BTNL8: variants seen among roughly 807,000 people sequenced by gnomAD.
BTNL8 encodes the protein butyrophilin-like protein 8.
Under a neutral mutation model 36.1 loss-of-function variants are expected in BTNL8, and 22 were observed. The observed-to-expected ratio is 0.61, with a 90% CI of 0.44 to 0.87. The LOEUF (loss-of-function observed/expected upper bound fraction) is 0.87, where lower values mean the gene tolerates loss of function less well. Among genes scored for constraint, BTNL8 ranks in the 40% least tolerant of loss-of-function variants. BTNL8 has a pLI of 0.00. For synonymous variants in BTNL8, 203 were observed against 235.6 expected (o/e 0.86, Z 1.27); for missense variants, 526 against 616.9 (o/e 0.85, Z 1.56).
At position 180,949,791 on chromosome 5, in the gene BTNL8, G is replaced by A; in HGVS notation, c.863-113G>A. The A allele has an allele frequency of 3.1e-6, 4 of 1,301,144 alleles. 1 individual carries two copies. Among genetic ancestry groups the A allele is most frequent in the Non-Finnish European group, 4.2e-6 (4 of 945,070 alleles). 80.6% of individuals were successfully genotyped at this position (1,301,144 alleles called of 1,614,324 possible). ...GTGTCTGCGGGAGGCTCAGGTCCGG[G>A]GCCTCACCTATGCCACCCAGAGCCA... On this transcript the variant is annotated intron_variant, in intron 7 of 7. Coordinates refer to ENST00000340184, the MANE Select transcript of BTNL8 (RefSeq NM_001040462.3).
chr5:180,908,254 G>T (rs917660447), intron 1 of BTNL8, among the ~76,000 whole-genome samples: 1 of 152,090 alleles, frequency 6.6e-6, no homozygotes, highest in African/African-American at 2.4e-5. Context: ...GCAATATTCG[G>T]GTGGGAGTGA....
intron 7 of BTNL8, 149 bp from the exon 8 acceptor site, chr5:180,949,754 AC>A: frequency 2.1e-6 from 2 of 973,652 alleles, no homozygotes; most frequent in Non-Finnish European, 1.5e-6. Flanking sequence ...TGATGAGAGG[AC>A]CTGAAAGGCA....
At chr5:180,944,264 C>A (rs144565047) in intron 3 of BTNL8, among the ~76,000 whole-genome samples, 1 of 152,042 alleles carries the variant, frequency 6.6e-6, no homozygotes, top group Non-Finnish European at 1.5e-5. Flanking sequence ...TGTTGCATAG[C>A]AAAGTGACTA....
chr5:180,938,930 A>G (rs890062643), intron 3 of BTNL8, among the ~76,000 whole-genome samples: 10 of 152,216 alleles, frequency 6.6e-5, no homozygotes, highest in African/African-American at 2.2e-4. Flanking sequence ...ATTTATCACC[A>G]CTAGATCAGT....
intron 1 of BTNL8, among the ~76,000 whole-genome samples, chr5:180,907,614 T>G (rs1418875922): frequency 1.3e-5 from 2 of 150,068 alleles, no homozygotes; most frequent in Non-Finnish European, 3.0e-5. Context: ...TTTTAGAGTT[T>G]CCAGTTTTTC....
chr5:180,903,037 C>T (rs1245840552), intron 1 of BTNL8, among the ~76,000 whole-genome samples: 1 of 118,380 alleles, frequency 8.4e-6, no homozygotes, highest in Admixed American at 8.2e-5. Flanking sequence ...TGGGTATATA[C>T]CCAGTAATGG....
At chr5:180,919,454 T>G (rs924750494) in intron 3 of BTNL8, among the ~76,000 whole-genome samples, 3 of 152,230 alleles carry the variant, frequency 2.0e-5, no homozygotes, top group Admixed American at 1.3e-4. Context: ...TAGCTAACAT[T>G]ATCCTCAACA....
Position 180,911,632 on chromosome 5 carries a change from G to T in BTNL8, c.673+18G>T. 1 of 1,589,834 alleles carries T rather than the reference G, an allele frequency of 6.3e-7. No individual in the cohort carries two copies. The highest frequency in any genetic ancestry group is 1.1e-5 in the South Asian group (1 of 89,356). On this transcript the variant is annotated intron_variant, in intron 3 of 7. Coordinates refer to ENST00000340184, the MANE Select transcript of BTNL8 (RefSeq NM_001040462.3). Reference sequence around the variant, plus strand: ...GATAGGAGGTGAGTAGGGAGGGGAGGAGAAGAGAAGGAGGGGTGGATGCTT... The same window carrying T: ...GATAGGAGGTGAGTAGGGAGGGGAGTAGAAGAGAAGGAGGGGTGGATGCTT...
chr5:180,943,412 G>C (rs1759084000), intron 3 of BTNL8, among the ~76,000 whole-genome samples: 1 of 152,082 alleles, frequency 6.6e-6, no homozygotes, highest in East Asian at 1.9e-4. Flanking sequence ...TTACAGGCAT[G>C]AGCCACCGTG....
chr5:180,929,177 C>T (rs990630907), intron 3 of BTNL8, among the ~76,000 whole-genome samples: 1 of 152,144 alleles, frequency 6.6e-6, no homozygotes, highest in African/African-American at 2.4e-5. Context: ...AACCACAAAA[C>T]TACATGGAAA....
intron 3 of BTNL8, among the ~76,000 whole-genome samples, chr5:180,930,433 C>T (rs1352447638): frequency 1.3e-5 from 2 of 152,162 alleles, no homozygotes; most frequent in African/African-American, 2.4e-5. Context: ...CACTCCTATT[C>T]AACATAGTAT....
At chr5:180,940,775 A>G (rs1177678197) in intron 3 of BTNL8, among the ~76,000 whole-genome samples, 1 of 152,116 alleles carries the variant, frequency 6.6e-6, no homozygotes, top group African/African-American at 2.4e-5. Flanking sequence ...ACTATTAAGA[A>G]CTATATGCCA....
At chr5:180,927,151 G>T (rs1238786731) in intron 3 of BTNL8, among the ~76,000 whole-genome samples, 1 of 152,174 alleles carries the variant, frequency 6.6e-6, no homozygotes, top group Non-Finnish European at 1.5e-5. Context: ...CTGCTGTTCT[G>T]CACCCTCCGC....
chr5:180,907,951 A>G (rs1235826425), intron 1 of BTNL8, among the ~76,000 whole-genome samples: 3 of 152,148 alleles, frequency 2.0e-5, no homozygotes, highest in Non-Finnish European at 4.4e-5. Flanking sequence ...TTAAGTCTGC[A>G]GAGGTTACTG....
At chr5:180,929,003 T>C (rs1214589753) in intron 3 of BTNL8, among the ~76,000 whole-genome samples, 2 of 152,032 alleles carry the variant, frequency 1.3e-5, no homozygotes, top group Non-Finnish European at 2.9e-5. Context: ...CAAATCAACA[T>C]AATATATATT....
intron 3 of BTNL8, among the ~76,000 whole-genome samples, chr5:180,940,147 C>T (rs1758853412): frequency 6.6e-6 from 1 of 151,970 alleles, no homozygotes; most frequent in African/African-American, 2.4e-5. Context: ...GGGGTCAAGA[C>T]CAGCCTGACC....
chr5:180,916,664 A>G (rs2091139687), intron 3 of BTNL8, among the ~76,000 whole-genome samples: 1 of 152,242 alleles, frequency 6.6e-6, no homozygotes, highest in South Asian at 2.1e-4. Flanking sequence ...AGAAATAAAT[A>G]TAAAATGTCA....
chr5:180,928,644 A>T (rs900596904), intron 3 of BTNL8, among the ~76,000 whole-genome samples: 3 of 152,218 alleles, frequency 2.0e-5, no homozygotes, highest in African/African-American at 7.2e-5. Context: ...GGAAAGCAGA[A>T]AAAAGCAGGC....
In BTNL8 at chr5:180,903,114, T is replaced by G. The variant is rs1407222548; in HGVS notation, c.49+3755T>G. ...GGAATCGCCACACTGACTTCCACAA[T>G]GGTTGAACTAGTTTACAGTCCCACC... On this transcript the variant is annotated intron_variant, in intron 1 of 7. Coordinates refer to ENST00000340184, the MANE Select transcript of BTNL8 (RefSeq NM_001040462.3). Among the ~76,000 whole-genome samples, 23 of 120,398 alleles carry G rather than the reference T, an allele frequency of 1.9e-4. 4 individuals are homozygous for G. The highest frequency in any genetic ancestry group is 2.6e-4 in the Non-Finnish European group (16 of 60,624). 79.0% of individuals were successfully genotyped at this position (120,398 alleles called of 152,430 possible).
Sources: allele counts gnomAD v4.1 joint callset (sites outside exome capture counted in the v4.1 genomes callset), GRCh38; gene constraint gnomAD v4.1.1; transcripts MANE v1.5; gene names NCBI Gene and HGNC (gene_info 2026-07-23, HGNC 2026-07-21).